Variants in SYN3 observed in about 807,000 individuals in gnomAD.
SYN3 encodes synapsin III, also known as synapsin-3.
A neutral mutation model predicts 65.8 loss-of-function variants in SYN3; 35 were observed. The ratio of observed to expected loss-of-function variants is 0.53; its 90% confidence interval spans 0.41 to 0.70. The LOEUF is 0.70. Ranked by LOEUF, SYN3 falls within the 30% of genes least tolerant of loss-of-function variation. The pLI, the probability that SYN3 is intolerant of heterozygous loss-of-function variation, is 0.00. For missense variants in SYN3, 680 were observed against 749.0 expected, an observed-to-expected ratio of 0.91 and a Z score of 1.08; for synonymous variants, 270 against 292.9, an observed-to-expected ratio of 0.92 and a Z score of 0.80.
chr22:32,794,018 G>A (rs1024072569), intron 6 of SYN3, among the ~76,000 whole-genome samples: 1 of 152,216 alleles, frequency 6.6e-6, no homozygotes, highest in Admixed American at 6.5e-5. Flanking sequence ...GGCCAGCCTG[G>A]TGCTGAGAAC....
At chr22:32,641,607 CAAAAAAAAAAAAAA>C (rs34461957) in intron 6 of SYN3, among the ~76,000 whole-genome samples, 1 of 67,954 alleles carries the variant, frequency 1.5e-5, no homozygotes. Flanking sequence ...GACTCCATCT[CAAAAAAAAAAAAAA>C]AAAAAAAAAT....
At chr22:32,546,223 G>A (rs575022109) in intron 7 of SYN3, among the ~76,000 whole-genome samples, 5 of 152,328 alleles carry the variant, frequency 3.3e-5, no homozygotes, top group Admixed American at 2.0e-4. Flanking sequence ...GGACAGACGA[G>A]TGTTGTCCCC....
At chr22:32,770,741 G>A (rs1260445166) in intron 6 of SYN3, among the ~76,000 whole-genome samples, 2 of 151,946 alleles carry the variant, frequency 1.3e-5, no homozygotes, top group African/African-American at 4.8e-5. Context: ...ACAGTTCTGT[G>A]TCTCTGTTTT....
At chr22:32,859,248 C>G in intron 6 of SYN3, 1 of 1,614,220 alleles carries the variant, frequency 6.2e-7, no homozygotes, top group Non-Finnish European at 8.5e-7. Context: ...CCGACATGCT[C>G]TCCAATTTCG....
At chr22:32,573,891 T>C (rs557570334) in intron 7 of SYN3, among the ~76,000 whole-genome samples, 20 of 148,660 alleles carry the variant, frequency 1.3e-4, no homozygotes, top group Non-Finnish European at 2.5e-4. Context: ...TGCCTCAGCC[T>C]CCCGAGTAGC....
chr22:32,683,198 A>G (rs1601906952), intron 6 of SYN3, among the ~76,000 whole-genome samples: 2 of 152,262 alleles, frequency 1.3e-5, no homozygotes, highest in South Asian at 4.1e-4. Context: ...TCATGACCAT[A>G]TCAATGGTGT....
At chr22:32,658,252 C>T (rs1301646090) in intron 6 of SYN3, among the ~76,000 whole-genome samples, 3 of 152,236 alleles carry the variant, frequency 2.0e-5, no homozygotes, top group Non-Finnish European at 2.9e-5. Context: ...GGAAGGTGGT[C>T]GGTGACGAGC....
intron 2 of SYN3, among the ~76,000 whole-genome samples, chr22:32,986,135 G>A (rs1165814055): frequency 6.6e-6 from 1 of 152,054 alleles, no homozygotes; most frequent in African/African-American, 2.4e-5. Flanking sequence ...AGGACAACAG[G>A]CTTAACAAAT....
chr22:33,016,661 G>A (rs1601911801), intron 1 of SYN3, among the ~76,000 whole-genome samples: 1 of 152,214 alleles, frequency 6.6e-6, no homozygotes, highest in African/African-American at 2.4e-5. Flanking sequence ...TAGTAATAAT[G>A]AGCATTTTTT....
At chr22:32,553,286 C>G (rs576163352) in intron 7 of SYN3, among the ~76,000 whole-genome samples, 1 of 152,248 alleles carries the variant, frequency 6.6e-6, no homozygotes, top group African/African-American at 2.4e-5. Context: ...AAGCAGTTTG[C>G]AGATGGCCAA....
chr22:32,626,411 G>A (rs1016221876), intron 6 of SYN3, among the ~76,000 whole-genome samples: 1 of 152,192 alleles, frequency 6.6e-6, no homozygotes, highest in Non-Finnish European at 1.5e-5. Flanking sequence ...TTTCTGGGAG[G>A]GCTCTGATCG....
intron 2 of SYN3, among the ~76,000 whole-genome samples, chr22:33,006,013 A>C (rs1218436572): frequency 1.3e-5 from 2 of 152,246 alleles, no homozygotes; most frequent in Non-Finnish European, 2.9e-5. Flanking sequence ...AAACACACTT[A>C]GTATAATTAT....
chr22:32,729,935 T>C (rs976338566), intron 6 of SYN3, among the ~76,000 whole-genome samples: 5 of 152,214 alleles, frequency 3.3e-5, no homozygotes, highest in African/African-American at 4.8e-5. Flanking sequence ...TAGTACTTAA[T>C]AGTGTGCCCT....
intron 6 of SYN3, among the ~76,000 whole-genome samples, chr22:32,683,671 T>C (rs1315679842): frequency 1.3e-5 from 2 of 152,170 alleles, no homozygotes; most frequent in Admixed American, 1.3e-4. Flanking sequence ...CCGTCTTCTA[T>C]AAGGACAACA....
At chr22:32,692,735 C>T (rs756991710) in intron 6 of SYN3, among the ~76,000 whole-genome samples, 136 of 148,212 alleles carry the variant, frequency 9.2e-4, no homozygotes, top group Non-Finnish European at 1.6e-3. Context: ...TAGTTCCTCT[C>T]TCCCATCACT....
chr22:33,009,464 G>A (rs1271974708), intron 1 of SYN3, among the ~76,000 whole-genome samples: 3 of 152,006 alleles, frequency 2.0e-5, no homozygotes, highest in Non-Finnish European at 4.4e-5. Context: ...AAGGTGGGTT[G>A]TTTATCTTTT....
chr22:33,043,649 G>C (rs539972359), intron 1 of SYN3, among the ~76,000 whole-genome samples: 1 of 152,238 alleles, frequency 6.6e-6, no homozygotes, highest in East Asian at 1.9e-4. Context: ...TGTTACATTG[G>C]GCCAGTCATT....
chr22:32,737,962 C>T (rs1029186951), intron 6 of SYN3, among the ~76,000 whole-genome samples: 9 of 152,160 alleles, frequency 5.9e-5, no homozygotes, highest in Admixed American at 6.5e-5. Context: ...CTGCCTGACC[C>T]GTATCAGATC....
At chr22:32,709,097 T>C (rs1010532814) in intron 6 of SYN3, among the ~76,000 whole-genome samples, 10 of 152,210 alleles carry the variant, frequency 6.6e-5, no homozygotes, top group Non-Finnish European at 1.0e-4. Flanking sequence ...CACACTGTGG[T>C]TGGGGCCAAC....
Sources: gnomAD v4.1 joint callset for allele counts (sites outside exome capture counted in the v4.1 genomes callset) on GRCh38, gnomAD v4.1.1 for gene constraint, MANE v1.5 for transcripts, NCBI Gene and HGNC (gene_info 2026-07-23, HGNC 2026-07-21) for gene names.